The following FAM13C variants were observed in gnomAD, a reference collection of about 807,000 sequenced individuals.
The protein encoded by FAM13C is family with sequence similarity 13 member C, also known as protein FAM13C.
FAM13C carries 37 observed loss-of-function variants against 73.2 expected under a neutral mutation model. The observed-to-expected ratio is 0.51, with a 90% CI of 0.39 to 0.67. The LOEUF (loss-of-function observed/expected upper bound fraction) is 0.67. Ranked by LOEUF, FAM13C falls within the 30% of genes least tolerant of loss-of-function variation. FAM13C has a pLI of 0.00. For missense variants in FAM13C, 589 were observed against 715.6 expected, an observed-to-expected ratio of 0.82 and a Z score of 2.02; for synonymous variants, 246 against 260.9, an observed-to-expected ratio of 0.94 and a Z score of 0.55.
intron 1 of FAM13C, among the ~76,000 whole-genome samples, chr10:59,356,603 C>T (rs1400294082): frequency 6.6e-6 from 1 of 152,166 alleles, no homozygotes; most frequent in South Asian, 2.1e-4. Context: ...CTTTTTCCAT[C>T]TTCAACTCCT....
chr10:59,354,680 A>G (rs1166856799), intron 2 of FAM13C, among the ~76,000 whole-genome samples: 1 of 152,162 alleles, frequency 6.6e-6, no homozygotes, highest in Non-Finnish European at 1.5e-5. Context: ...GGCCTTAGCC[A>G]TGTGGTTATT....
intron 3 of FAM13C, among the ~76,000 whole-genome samples, chr10:59,335,919 T>C (rs1485413566): frequency 6.6e-6 from 1 of 152,332 alleles, no homozygotes; most frequent in East Asian, 1.9e-4. Flanking sequence ...GGACATCAAA[T>C]TTAAGTGATG....
chr10:59,362,483 C>A lies in FAM13C; in HGVS notation c.-23G>T. Reference sequence around the variant, plus strand: ...CATCAGCCAAGTCTGGCCGGGGAGCCGTCTCCCTGATTGCTCTCCGGGAGT... The same window carrying A: ...CATCAGCCAAGTCTGGCCGGGGAGCAGTCTCCCTGATTGCTCTCCGGGAGT... On this transcript the variant is annotated 5_prime_UTR_variant, in exon 1 of 14. Transcript: ENST00000618804. The A allele has an allele frequency of 1.2e-6, 2 of 1,610,800 alleles. No homozygotes were observed. Among genetic ancestry groups the A allele is most frequent in the Non-Finnish European group, 1.7e-6 (2 of 1,178,404 alleles).
chr10:59,318,327 C>CT (rs1288292895), intron 4 of FAM13C, among the ~76,000 whole-genome samples: 3 of 151,982 alleles, frequency 2.0e-5, no homozygotes, highest in Admixed American at 1.3e-4. Flanking sequence ...AGTGTGAGCT[C>CT]TTTTTTCAAT....
chr10:59,337,338 T>C (rs1457425623), intron 3 of FAM13C, among the ~76,000 whole-genome samples: 1 of 152,240 alleles, frequency 6.6e-6, no homozygotes, highest in East Asian at 1.9e-4. Flanking sequence ...CTGGAATGTT[T>C]AGGCATTAGT....
intron 12 of FAM13C, 31 bp from the exon 13 acceptor site, chr10:59,251,707 G>T: frequency 6.8e-7 from 1 of 1,480,490 alleles, no homozygotes; most frequent in Non-Finnish European, 9.2e-7. Flanking sequence ...GTCATTACTG[G>T]GCACTGGCAT....
At chr10:59,251,454 C>G (rs766966433) in intron 13 of FAM13C, 121 bp downstream of exon 13, 4 of 830,566 alleles carry the variant, frequency 4.8e-6, no homozygotes, top group Middle Eastern at 3.5e-4. Context: ...TGAGTCTAAG[C>G]CAGTGTGGAA....
At chr10:59,330,057 G>A (rs941461149) in intron 3 of FAM13C, among the ~76,000 whole-genome samples, 7 of 152,178 alleles carry the variant, frequency 4.6e-5, no homozygotes, top group African/African-American at 1.7e-4. Flanking sequence ...ACCAGCTAGT[G>A]TGGAAATATT....
At chr10:59,304,037 A>G (rs568277779) in intron 4 of FAM13C, among the ~76,000 whole-genome samples, 26 of 152,128 alleles carry the variant, frequency 1.7e-4, no homozygotes, top group Admixed American at 4.6e-4. Context: ...AGTCCCAGCT[A>G]CTTGGGAGGC....
chr10:59,312,070 G>A (rs987296693), intron 4 of FAM13C, among the ~76,000 whole-genome samples: 2 of 151,834 alleles, frequency 1.3e-5, no homozygotes, highest in Non-Finnish European at 2.9e-5. Flanking sequence ...TTTAGATCAG[G>A]GACAGATGCA....
At chr10:59,310,945 T>C (rs1377279188) in intron 4 of FAM13C, among the ~76,000 whole-genome samples, 1 of 152,162 alleles carries the variant, frequency 6.6e-6, no homozygotes, top group Non-Finnish European at 1.5e-5. Context: ...AACGCTATCC[T>C]AAAGGTCCAA....
At chr10:59,354,702 A>G (rs951221775) in intron 2 of FAM13C, among the ~76,000 whole-genome samples, 1 of 152,192 alleles carries the variant, frequency 6.6e-6, no homozygotes, top group Non-Finnish European at 1.5e-5. Flanking sequence ...GCAAAGGAAA[A>G]AAAAAGGAGA....
intron 4 of FAM13C, among the ~76,000 whole-genome samples, chr10:59,305,074 T>G (rs953446279): frequency 1.3e-5 from 2 of 152,164 alleles, no homozygotes; most frequent in Non-Finnish European, 2.9e-5. Flanking sequence ...CCAAATAAAT[T>G]TCTTTTCCTT....
At chr10:59,362,568 C>G, upstream of FAM13C, 1 of 1,547,734 alleles carries the variant, frequency 6.5e-7, no homozygotes, top group Non-Finnish European at 8.7e-7. Flanking sequence ...CCGGCACGCT[C>G]GCTCTACCTT....
chr10:59,312,230 CTT>C (rs1472737091), intron 4 of FAM13C, among the ~76,000 whole-genome samples: 1 of 152,156 alleles, frequency 6.6e-6, no homozygotes, highest in Non-Finnish European at 1.5e-5. Context: ...AACACTTTAA[CTT>C]TTAAAGTATC....
chr10:59,274,199 T>C (rs995542572), intron 6 of FAM13C, among the ~76,000 whole-genome samples: 1 of 147,144 alleles, frequency 6.8e-6, no homozygotes, highest in South Asian at 2.2e-4. Context: ...AAAACAAAGA[T>C]GAAAAACAAC....
rs963275938 is a variant in FAM13C, at chr10:59,247,410, A to G, written c.*204T>C. On this transcript the variant is annotated 3_prime_UTR_variant, in exon 14 of 14. Transcript: ENST00000618804. ...GGACACTGAATTTTTTCCCAATTAT[A>G]TGGCTACCTGTTGTATTCTTCCCCC... is the stretch of plus-strand genomic sequence containing the variant. 1.2e-5 allele frequency: 7 copies of G among 564,678 alleles called. No individual in the cohort carries two copies. The highest frequency in any genetic ancestry group is 1.1e-4 in the Admixed American group (3 of 27,288). 35.0% of individuals were successfully genotyped at this position (564,678 alleles called of 1,614,324 possible). A position where few individuals can be genotyped will look rare whatever the true frequency, so the allele number is the denominator to read the frequency against.
chr10:59,300,397 G>C (rs1422992781), intron 5 of FAM13C, among the ~76,000 whole-genome samples: 1 of 152,202 alleles, frequency 6.6e-6, no homozygotes, highest in Non-Finnish European at 1.5e-5. Context: ...GTATGGAAGA[G>C]AGTGCAGTTA....
intron 9 of FAM13C, among the ~76,000 whole-genome samples, chr10:59,263,698 C>A (rs2133476523): frequency 6.6e-6 from 1 of 152,318 alleles, no homozygotes; most frequent in Non-Finnish European, 1.5e-5. Flanking sequence ...ATGTAACCCT[C>A]CCCTCTCTAT....
Sources: gnomAD v4.1 joint callset for allele counts (sites outside exome capture counted in the v4.1 genomes callset) on GRCh38, gnomAD v4.1.1 for gene constraint, MANE v1.5 for transcripts, NCBI Gene and HGNC (gene_info 2026-07-23, HGNC 2026-07-21) for gene names.